The following DNAH12 variants were observed in gnomAD, a reference collection of about 807,000 sequenced individuals.
DNAH12 encodes dynein axonemal heavy chain 12.
In DNAH12, 285 loss-of-function variants were observed where a neutral mutation model predicts 371.5. The observed-to-expected ratio is 0.77, with a 90% confidence interval of 0.70 to 0.85. The LOEUF is 0.85. DNAH12 is among the 40% of genes least tolerant of loss of function. DNAH12 has a pLI of 0.00. For synonymous variants in DNAH12, 1,200 were observed against 1,213.0 expected (o/e 0.99, Z 0.22); for missense variants, 3,611 against 3,689.4 (o/e 0.98, Z 0.55).
chr3:57,322,898 C>G, intron 64 of DNAH12, 109 bp downstream of exon 64: 1 of 1,429,966 alleles, frequency 7.0e-7, no homozygotes, highest in Non-Finnish European at 9.2e-7. Context: ...CCACTGCACT[C>G]CAGCCTGGGA....
intron 65 of DNAH12, among the ~76,000 whole-genome samples, chr3:57,318,306 C>A (rs2061730255): frequency 1.3e-5 from 2 of 152,064 alleles, no homozygotes; most frequent in Non-Finnish European, 2.9e-5. Flanking sequence ...ACATGTAAGT[C>A]TTTAATCCAT....
In DNAH12 at chr3:57,301,827, C is replaced by G. The variant is rs753616247; in HGVS notation, c.11302G>C (p.Val3768Leu). 3.9e-6 allele frequency: 6 copies of G among 1,551,436 alleles called. No individual in the cohort carries two copies. In the Admixed American group the frequency reaches 9.8e-5, roughly 25 times the overall value. ...ALSGSLLVGK[V>L]PEIWAKRSYP... ...GAACGTTTGGCCCATATTTCTGGAA[C>G]CTTTCCAACAAGTAAGCTACCGGAG... The change falls in exon 70 of 74, where the codon GTT (valine) becomes CTT (leucine). Residue 3768 changes from valine (V) to leucine (L), a missense_variant. Physicochemically the swap from Val to Leu is conservative, Grantham distance 32. Transcript: ENST00000495027.
intron 11 of DNAH12, among the ~76,000 whole-genome samples, chr3:57,491,807 GC>G (rs1458172601): frequency 6.6e-6 from 1 of 151,946 alleles, no homozygotes; most frequent in East Asian, 1.9e-4. Flanking sequence ...AAATTAGCCA[GC>G]CAGCTTGGGC....
rs576854435 is a variant in DNAH12, at chr3:57,532,403, T to A, written c.171-8519A>T. ...GGATGGTGTTGATGCTTGTAGAAGT[T>A]CTTCAGTGTCTGGGCACTGAAGAGT... On this transcript the variant is annotated intron_variant, in intron 2 of 73. Coordinates refer to ENST00000495027, the MANE Select transcript of DNAH12 (RefSeq NM_001366028.2). Among the ~76,000 whole-genome samples, 17 of 152,266 alleles carry A rather than the reference T, an allele frequency of 1.1e-4. No individual in the cohort carries two copies. The South Asian group carries it at 3.5e-3, about 32-fold the overall frequency.
intron 13 of DNAH12, among the ~76,000 whole-genome samples, chr3:57,474,158 A>G (rs2066451590): frequency 6.6e-6 from 1 of 152,182 alleles, no homozygotes; most frequent in Admixed American, 6.5e-5. Flanking sequence ...AGTTTTGCAA[A>G]TGTGTAACAT....
Position 57,507,882 on chromosome 3 carries a change from T to C in DNAH12, c.702-44A>G, listed in dbSNP as rs146376760. The stretch of plus-strand genomic sequence containing the variant: ...AATGTGATTTGAAGCAAATGATACA[T>C]ATTGGTCTTAAAACACAATTGTTGG... On this transcript the variant is annotated intron_variant, in intron 7 of 73. Transcript: ENST00000495027. 615 of 1,507,028 alleles carry C rather than the reference T, an allele frequency of 4.1e-4. 6 individuals are homozygous for C. The East Asian group carries it at 0.014, about 34-fold the overall frequency. 93.4% of individuals were successfully genotyped at this position (1,507,028 alleles called of 1,614,324 possible). A position where few individuals can be genotyped will look rare whatever the true frequency, so the allele number is the denominator to read the frequency against.
chr3:57,469,624 T>C (rs566164928), intron 16 of DNAH12, among the ~76,000 whole-genome samples: 3 of 152,290 alleles, frequency 2.0e-5, no homozygotes, highest in Non-Finnish European at 4.4e-5. Flanking sequence ...ATTTGGTACA[T>C]ATACACCATG....
Position 57,408,450 on chromosome 3 carries a change from G to A in DNAH12, c.6106C>T (p.Pro2036Ser). The A allele has an allele frequency of 6.4e-7, 1 of 1,551,478 alleles. No individual in the cohort carries two copies. The highest frequency in any genetic ancestry group is 2.4e-5 in the East Asian group (1 of 40,900). Residue 2036 changes from proline to serine, a missense_variant, in exon 40 of 74, where the codon CCA (proline) becomes TCA (serine). Pro to Ser is a moderately conservative substitution (Grantham distance 74, BLOSUM62 -1). Around this residue, in one of 3 missense-constraint regions of DNAH12, gnomAD observed 2,266 missense variants for 2,236.9 expected, o/e 1.01. Coordinates refer to ENST00000495027, the MANE Select transcript of DNAH12 (RefSeq NM_001366028.2). ...AMGPPGGGRN[P>S]VTPRCIRHFN... ...TGTCGAATACAACGGGGAGTAACTG[G>A]ATTTCTTCCACCACCTGGAGGGCCC...
chr3:57,470,421 T>C, intron 16 of DNAH12, 22 bp downstream of exon 16: 1 of 1,488,690 alleles, frequency 6.7e-7, no homozygotes, highest in Non-Finnish European at 8.9e-7. Context: ...TGCTTGATTT[T>C]TATTACATTA....
intron 39 of DNAH12, among the ~76,000 whole-genome samples, chr3:57,412,893 C>G (rs777973135): frequency 3.3e-5 from 5 of 152,136 alleles, no homozygotes; most frequent in Non-Finnish European, 7.4e-5. Context: ...TCTTACAAAA[C>G]TAAACGTATT....
At chr3:57,459,118 A>G (rs987474731) in intron 20 of DNAH12, among the ~76,000 whole-genome samples, 1 of 152,218 alleles carries the variant, frequency 6.6e-6, no homozygotes, top group Non-Finnish European at 1.5e-5. Context: ...CTGTCTTTCA[A>G]CATTTACTGG....
chr3:57,342,436 C>T (rs368930724), intron 60 of DNAH12, among the ~76,000 whole-genome samples: 37 of 130,534 alleles, frequency 2.8e-4, no homozygotes, highest in African/African-American at 7.0e-4. Flanking sequence ...GTCAGGAGTT[C>T]GAGACCAGCC....
intron 62 of DNAH12, among the ~76,000 whole-genome samples, chr3:57,333,329 CTT>C (rs34135477): frequency 4.2e-4 from 47 of 111,036 alleles, no homozygotes; most frequent in African/African-American, 1.1e-3. Flanking sequence ...TTTAAGGCAA[CTT>C]TTTTTTTTTT....
At chr3:57,395,368 T>C (rs2063716146) in intron 43 of DNAH12, among the ~76,000 whole-genome samples, 1 of 152,200 alleles carries the variant, frequency 6.6e-6, no homozygotes, top group Non-Finnish European at 1.5e-5. Context: ...GAAAATAGCA[T>C]TACAACTTCT....
intron 47 of DNAH12, among the ~76,000 whole-genome samples, chr3:57,385,822 A>C (rs2063489812): frequency 6.6e-6 from 1 of 152,130 alleles, no homozygotes; most frequent in Admixed American, 6.6e-5. Flanking sequence ...GTGGAGCTGC[A>C]GTGAGCCGAG....
Position 57,419,458 on chromosome 3 carries a change from C to A in DNAH12, c.5623G>T (p.Asp1875Tyr). The change falls in exon 37 of 74, where the codon GAT becomes TAT. Residue 1875 changes from aspartate (D) to tyrosine (Y), a missense_variant. By Grantham distance (160) the Asp-to-Tyr change is radical (BLOSUM62 -3). Coordinates refer to ENST00000495027, the MANE Select transcript of DNAH12 (RefSeq NM_001366028.2). ...ATATCTTGAATCTTGATTTGTTTAT[C>A]TCCTAAATTAGTATTTTTAATTAAT... is the stretch of plus-strand genomic sequence containing the variant. ...NELIKNTNLG[D>Y]KQIKIQDIIV... is the part of the protein sequence containing the mutation. 1.3e-6 allele frequency: 2 copies of A among 1,498,568 alleles called. No individual in the cohort carries two copies. The highest frequency in any genetic ancestry group is 1.8e-6 in the Non-Finnish European group (2 of 1,126,418). 92.8% of individuals were successfully genotyped at this position (1,498,568 alleles called of 1,614,324 possible). A position where few individuals can be genotyped will look rare whatever the true frequency, so the allele number is the denominator to read the frequency against.
chr3:57,537,307 AC>A (rs1205897709), intron 2 of DNAH12, among the ~76,000 whole-genome samples: 2 of 152,236 alleles, frequency 1.3e-5, no homozygotes, highest in Admixed American at 6.5e-5. Flanking sequence ...TGGGTGAGAA[AC>A]CACATGCAGT....
At chr3:57,513,199 G>T (rs1028325225) in intron 4 of DNAH12, among the ~76,000 whole-genome samples, 2 of 151,804 alleles carry the variant, frequency 1.3e-5, no homozygotes, top group African/African-American at 2.4e-5. Flanking sequence ...AAAAAGGAAT[G>T]AGATCATGTC....
intron 11 of DNAH12, among the ~76,000 whole-genome samples, chr3:57,496,262 G>C (rs1462545942): frequency 6.6e-6 from 1 of 151,936 alleles, no homozygotes; most frequent in Non-Finnish European, 1.5e-5. Flanking sequence ...TCCAAGGCTG[G>C]ATTCCTGACC....
Sources: allele counts gnomAD v4.1 joint callset (sites outside exome capture counted in the v4.1 genomes callset), GRCh38; gene constraint gnomAD v4.1.1; regional missense constraint gnomAD v4.1.1; transcripts MANE v1.5; gene names NCBI Gene and HGNC (gene_info 2026-07-23, HGNC 2026-07-21).